The following ACBD6 variants were observed in gnomAD, a reference collection of about 807,000 sequenced individuals.
The protein encoded by ACBD6 is acyl-CoA-binding domain-containing protein 6.
Under a neutral mutation model 37.2 loss-of-function variants are expected in ACBD6, and 28 were observed. The observed-to-expected ratio is 0.75, with a 90% CI of 0.56 to 1.03. The LOEUF (loss-of-function observed/expected upper bound fraction) is 1.03. Ranked by LOEUF, ACBD6 falls within the 50% of genes least tolerant of loss-of-function variation. The pLI, the probability that ACBD6 is intolerant of heterozygous loss-of-function variation, is 0.00. For missense variants in ACBD6, 340 were observed against 337.4 expected (o/e 1.01, Z -0.06); for synonymous variants, 113 against 126.8 (o/e 0.89, Z 0.73).
chr1:180,276,484 C>T (rs994373161), intron 9 of ACBD6: 2 of 152,176 alleles, frequency 1.3e-5, no homozygotes, highest in African/African-American at 4.8e-5. Flanking sequence ...AACATAGACA[C>T]TTCTCTTGAG....
chr1:180,376,174 G>A (rs747401260), intron 6 of ACBD6, among the ~76,000 whole-genome samples: 4 of 152,178 alleles, frequency 2.6e-5, no homozygotes, highest in Non-Finnish European at 4.4e-5. Context: ...ATGTGAGAGA[G>A]CACAATCTAT....
At chr1:180,460,369 C>A (rs187270423) in intron 3 of ACBD6, among the ~76,000 whole-genome samples, 7 of 151,702 alleles carry the variant, frequency 4.6e-5, no homozygotes, top group Admixed American at 3.9e-4. Context: ...AGAGCCCAAC[C>A]CAACAGGTCG....
intron 3 of ACBD6, among the ~76,000 whole-genome samples, chr1:180,448,990 C>G (rs1269914675): frequency 6.6e-6 from 1 of 152,152 alleles, no homozygotes; most frequent in African/African-American, 2.4e-5. Flanking sequence ...ACAGCCACTA[C>G]CATCTTCCCA....
chr1:180,397,528 G>A lies in ACBD6; in HGVS notation c.651C>T (p.Asp217=). ...TTATCACTCTTACCTGACAGTTAATGTCAGCTCTATGTTGCAGCAACACTG... is the reference window on the plus strand; with the variant it reads ...TTATCACTCTTACCTGACAGTTAATATCAGCTCTATGTTGCAGCAACACTG... ...LVTVLLQHRA[D]INCQDNEGQT... The change falls in exon 6 of 8, where the codon GAC becomes GAT. Residue 217 remains aspartate, a synonymous_variant. Coordinates refer to ENST00000367595, the MANE Select transcript of ACBD6 (RefSeq NM_032360.4). 3 of 1,613,562 alleles carry A rather than the reference G, an allele frequency of 1.9e-6. No homozygotes were observed. In the Admixed American group the frequency reaches 5.0e-5, roughly 27 times the overall value.
intron 6 of ACBD6, among the ~76,000 whole-genome samples, chr1:180,374,298 T>C (rs930063992): frequency 1.3e-5 from 2 of 152,220 alleles, no homozygotes; most frequent in African/African-American, 4.8e-5. Context: ...CTGCAGAGTA[T>C]GTAAAACTTT....
chr1:180,365,716 G>A (rs1447306566), intron 6 of ACBD6, among the ~76,000 whole-genome samples: 4 of 152,120 alleles, frequency 2.6e-5, no homozygotes, highest in Non-Finnish European at 5.9e-5. Context: ...CACAATAGCC[G>A]TCAAATTTTC....
intron 6 of ACBD6, among the ~76,000 whole-genome samples, chr1:180,351,734 G>C (rs1371179921): frequency 6.6e-6 from 1 of 152,046 alleles, no homozygotes; most frequent in Non-Finnish European, 1.5e-5. Flanking sequence ...ATGTAAAATG[G>C]TGCACCTGCT....
intron 6 of ACBD6, among the ~76,000 whole-genome samples, chr1:180,362,033 T>C (rs1652873460): frequency 6.6e-6 from 1 of 151,990 alleles, no homozygotes; most frequent in Non-Finnish European, 1.5e-5. Context: ...TATCTATAAA[T>C]GAAGGTGGTT....
chr1:180,367,059 T>C (rs924919944), intron 6 of ACBD6, among the ~76,000 whole-genome samples: 3 of 152,244 alleles, frequency 2.0e-5, no homozygotes, highest in Non-Finnish European at 4.4e-5. Flanking sequence ...CACAGATTCC[T>C]GTAAGGATAA....
At chr1:180,435,177 G>T (rs1163216892) in intron 3 of ACBD6, 6 of 688,938 alleles carry the variant, frequency 8.7e-6, no homozygotes, top group Non-Finnish European at 1.6e-5. Context: ...CTGCGACACG[G>T]ATTTCAACAT....
intron 6 of ACBD6, among the ~76,000 whole-genome samples, chr1:180,350,259 T>G (rs1441996796): frequency 6.6e-6 from 1 of 152,042 alleles, no homozygotes; most frequent in Non-Finnish European, 1.5e-5. Flanking sequence ...GTCTCCAACT[T>G]CTAAGCTCAA....
chr1:180,498,144 C>T (rs1651806420), intron 1 of ACBD6, among the ~76,000 whole-genome samples: 1 of 152,140 alleles, frequency 6.6e-6, no homozygotes, highest in Non-Finnish European at 1.5e-5. Context: ...TAACAGCAAA[C>T]GTTCACATTC....
At chr1:180,383,910 T>C (rs111276087) in intron 6 of ACBD6, among the ~76,000 whole-genome samples, 2,944 of 152,070 alleles carry the variant, frequency 0.019, 47 homozygotes, top group Middle Eastern at 0.044. Flanking sequence ...GCCAAGAATA[T>C]ACATTGAGGG....
chr1:180,386,044 C>T (rs1334311249), intron 6 of ACBD6, among the ~76,000 whole-genome samples: 1 of 152,116 alleles, frequency 6.6e-6, no homozygotes, highest in African/African-American at 2.4e-5. Flanking sequence ...GTGGTGCGTA[C>T]CTGTAGCCCC....
intron 6 of ACBD6, among the ~76,000 whole-genome samples, chr1:180,345,068 G>A (rs1234392756): frequency 6.6e-6 from 1 of 152,108 alleles, no homozygotes; most frequent in African/African-American, 2.4e-5. Context: ...TTGAGAAGCT[G>A]GAGCTTAGTC....
intron 6 of ACBD6, among the ~76,000 whole-genome samples, chr1:180,349,314 C>T (rs1482719960): frequency 4.6e-5 from 7 of 150,684 alleles, no homozygotes; most frequent in Non-Finnish European, 8.9e-5. Context: ...GGCTGGCTCG[C>T]GGGCGATCTC....
intron 3 of ACBD6, among the ~76,000 whole-genome samples, chr1:180,432,944 G>A (rs1295324755): frequency 6.7e-6 from 1 of 150,098 alleles, no homozygotes; most frequent in Non-Finnish European, 1.5e-5. Flanking sequence ...GAAAAGCCCA[G>A]AACCAGATCA....
At chr1:180,280,515 G>A (rs951049869) in intron 9 of ACBD6, among the ~76,000 whole-genome samples, 3 of 152,126 alleles carry the variant, frequency 2.0e-5, no homozygotes, top group Non-Finnish European at 4.4e-5. Flanking sequence ...CACTTAAACC[G>A]GAAAGTTAGT....
intron 6 of ACBD6, among the ~76,000 whole-genome samples, chr1:180,333,940 A>C (rs886645020): frequency 2.6e-5 from 4 of 152,212 alleles, no homozygotes; most frequent in Non-Finnish European, 5.9e-5. Context: ...TCTGAGATCA[A>C]ACTGCAAGGC....
Sources: gnomAD v4.1 joint callset for allele counts (sites outside exome capture counted in the v4.1 genomes callset) on GRCh38, gnomAD v4.1.1 for gene constraint, MANE v1.5 for transcripts, NCBI Gene and HGNC (gene_info 2026-07-23, HGNC 2026-07-21) for gene names.